The following KCNT1 variants were observed in gnomAD, a reference collection of about 807,000 sequenced individuals.
The protein encoded by KCNT1 is potassium sodium-activated channel subfamily T member 1, also known as potassium channel subfamily T member 1.
A neutral mutation model predicts 147.8 loss-of-function variants in KCNT1; 78 were observed. The observed-to-expected ratio is 0.53, with a 90% CI of 0.44 to 0.64. The LOEUF is 0.64. Ranked by LOEUF, KCNT1 falls within the 30% of genes least tolerant of loss-of-function variation. The pLI, the probability that KCNT1 is intolerant of heterozygous loss-of-function variation, is 0.00. For missense variants in KCNT1, 1,419 were observed against 1,750.3 expected (o/e 0.81, Z 3.38); for synonymous variants, 867 against 748.8 (o/e 1.16, Z -2.58).
At position 135,707,013 on chromosome 9, in the gene KCNT1, G is replaced by GGT. The variant is rs200033364; in HGVS notation, c.110+4647_110+4648dup. Among the ~76,000 whole-genome samples, 779 of 151,872 alleles carry GGT rather than the reference G, an allele frequency of 5.1e-3. 5 individuals carry two copies. The highest frequency in any genetic ancestry group is 0.034 in the Middle Eastern group (10 of 294). ...CCCAGACAGGCCCAAGGCCAGGCAC[G>GGT]GTGGGTCATGCCTGTGATCTCGGTG... On this transcript the variant is annotated intron_variant, in intron 1 of 30. Transcript: ENST00000371757.
At chr9:135,788,827 C>T (rs1834271677) in intron 29 of KCNT1, among the ~76,000 whole-genome samples, 1 of 152,220 alleles carries the variant, frequency 6.6e-6, no homozygotes, top group South Asian at 2.1e-4. Flanking sequence ...CAGTGCTCAG[C>T]AGAGTCCGGG....
intron 20 of KCNT1, among the ~76,000 whole-genome samples, chr9:135,776,694 G>A (rs952114371): frequency 6.6e-6 from 1 of 152,230 alleles, no homozygotes; most frequent in African/African-American, 2.4e-5. Context: ...ATATTCTGTG[G>A]GTTATAATCT....
intron 13 of KCNT1, among the ~76,000 whole-genome samples, chr9:135,767,986 A>G (rs1335552983): frequency 6.7e-6 from 1 of 150,212 alleles, no homozygotes; most frequent in East Asian, 2.0e-4. Flanking sequence ...CAGCCTGCAC[A>G]CACTCGGGGG....
rs749242512 is a variant in KCNT1, at chr9:135,786,225, G to A, written c.3206G>A (p.Cys1069Tyr). ...CAGATCTCGGTGAACGTGGAGGACTGTGAGGACACACGGGAAGTGAAGGGG... is the reference window on the plus strand; with the variant it reads ...CAGATCTCGGTGAACGTGGAGGACTATGAGGACACACGGGAAGTGAAGGGG... The part of the protein sequence containing the change: ...QSQISVNVED[C>Y]EDTREVKGPW... The change falls in exon 29 of 31, where the codon TGT (cysteine) becomes TAT (tyrosine). Residue 1069 changes from cysteine (C) to tyrosine (Y), a missense_variant. Cys to Tyr is a radical substitution (Grantham distance 194). Transcript: ENST00000371757. 5 of 1,611,538 alleles carry A rather than the reference G, an allele frequency of 3.1e-6. No individual in the cohort carries two copies. In the South Asian group the frequency reaches 3.3e-5, roughly 11 times the overall value.
At position 135,750,917 on chromosome 9, in the gene KCNT1, C is replaced by T. The variant is rs754981242; in HGVS notation, c.335-25C>T. The stretch of plus-strand genomic sequence containing the variant: ...CCGAAGCCCAGAGCTGGGTCAGAGC[C>T]CTGAGGCCGCTGCCCTCCCCGCAGG... On this transcript the variant is annotated intron_variant, in intron 3 of 30. Transcript: ENST00000371757. 1.9e-6 allele frequency: 3 copies of T among 1,608,176 alleles called. No individual in the cohort carries two copies. In the South Asian group the frequency reaches 3.3e-5, roughly 18 times the overall value.
intron 2 of KCNT1, among the ~76,000 whole-genome samples, chr9:135,741,342 G>A (rs886508181): frequency 1.3e-5 from 2 of 151,986 alleles, no homozygotes; most frequent in African/African-American, 2.4e-5. Context: ...GCCTGGCCAC[G>A]CCGGACCTGA....
At chr9:135,764,790 CCCT>C (rs1358317597) in intron 11 of KCNT1, among the ~76,000 whole-genome samples, 1 of 152,164 alleles carries the variant, frequency 6.6e-6, no homozygotes, top group Non-Finnish European at 1.5e-5. Context: ...CTCCAGCCGC[CCCT>C]CCTCCCTTGG....
At chr9:135,746,534 A>T (rs1217953422) in intron 2 of KCNT1, among the ~76,000 whole-genome samples, 3 of 152,226 alleles carry the variant, frequency 2.0e-5, no homozygotes, top group Admixed American at 2.0e-4. Context: ...GCAGGGTTGC[A>T]TCTCTCTGTT....
intron 2 of KCNT1, among the ~76,000 whole-genome samples, chr9:135,732,344 C>T (rs4842029): frequency 0.014 from 2,185 of 152,230 alleles, 73 homozygotes; most frequent in East Asian, 0.11. Context: ...ATACCAAAAA[C>T]TAGTTGAGGC....
intron 29 of KCNT1, chr9:135,790,191 G>A (rs1217238399): frequency 6.6e-6 from 1 of 152,320 alleles, no homozygotes; most frequent in Non-Finnish European, 1.5e-5. Context: ...CACAAAGCCA[G>A]TCAGGCAGGG....
intron 10 of KCNT1, 45 bp downstream of exon 10, chr9:135,758,553 G>A: frequency 6.6e-7 from 1 of 1,507,784 alleles, no homozygotes; most frequent in South Asian, 1.1e-5. Context: ...CGTTGGGAGG[G>A]CCCGAGAGGC....
intron 2 of KCNT1, among the ~76,000 whole-genome samples, chr9:135,733,576 C>A: frequency 4.1e-5 from 3 of 73,496 alleles, no homozygotes; most frequent in East Asian, 3.8e-4. Context: ...GCCCTCACAC[C>A]TGCCCCCACA....
intron 24 of KCNT1, among the ~76,000 whole-genome samples, chr9:135,781,629 A>G (rs892957744): frequency 7.0e-6 from 1 of 141,910 alleles, no homozygotes; most frequent in African/African-American, 2.6e-5. Context: ...ACTTCAAAGA[A>G]TACTGAAAGT....
Position 135,778,773 on chromosome 9 carries a change from G to A in KCNT1, c.2680G>A (p.Asp894Asn), listed in dbSNP as rs750369758. Residue 894 changes from aspartate (D) to asparagine (N), a missense_variant, in exon 23 of 31, where the codon GAC becomes AAC. By Grantham distance (23) the Asp-to-Asn change is conservative. Around this residue, in one of 5 missense-constraint regions of KCNT1, gnomAD observed 247 missense variants for 397.1 expected, o/e 0.62. Transcript: ENST00000371757. Reference protein sequence around the residue: ...DKESTMSAEEDYMADAKTIVN... With the variant: ...DKESTMSAEENYMADAKTIVN... ...GGAGAGCACCATGAGCGCCGAGGAGGACTACATGGCGGACGCCAAGACCAT... is the reference window on the plus strand; with the variant it reads ...GGAGAGCACCATGAGCGCCGAGGAGAACTACATGGCGGACGCCAAGACCAT... The A allele has an allele frequency of 1.2e-6, 2 of 1,613,954 alleles. No individual in the cohort carries two copies. Among genetic ancestry groups the A allele is most frequent in the Non-Finnish European group, 8.5e-7 (1 of 1,179,924 alleles).
chr9:135,724,399 G>A (rs1415365726), intron 2 of KCNT1, among the ~76,000 whole-genome samples: 4 of 152,250 alleles, frequency 2.6e-5, no homozygotes, highest in Non-Finnish European at 4.4e-5. Context: ...ACAGGCCAAC[G>A]GGGGCAGGCA....
At chr9:135,787,971 C>G (rs953201629) in intron 29 of KCNT1, 7 of 721,326 alleles carry the variant, frequency 9.7e-6, no homozygotes, top group Non-Finnish European at 1.5e-5. Flanking sequence ...GTGACCGACT[C>G]GCTTCTGGTG....
intron 2 of KCNT1, among the ~76,000 whole-genome samples, chr9:135,740,628 C>T (rs542199746): frequency 1.3e-5 from 2 of 152,378 alleles, no homozygotes; most frequent in South Asian, 4.1e-4. Context: ...CTGACCACTG[C>T]TGCCCTAAGC....
chr9:135,722,078 T>C (rs1462303194), intron 2 of KCNT1, among the ~76,000 whole-genome samples: 1 of 152,126 alleles, frequency 6.6e-6, no homozygotes, highest in Non-Finnish European at 1.5e-5. Flanking sequence ...GCCCATCACA[T>C]GTGAACGGTG....
intron 2 of KCNT1, among the ~76,000 whole-genome samples, chr9:135,739,129 A>G (rs1386891860): frequency 6.6e-6 from 1 of 151,856 alleles, no homozygotes; most frequent in East Asian, 1.9e-4. Flanking sequence ...CCCCAGCCCC[A>G]TCCTACTCTT....
Sources: allele counts gnomAD v4.1 joint callset (sites outside exome capture counted in the v4.1 genomes callset), GRCh38; gene constraint gnomAD v4.1.1; regional missense constraint gnomAD v4.1.1; transcripts MANE v1.5; gene names NCBI Gene and HGNC (gene_info 2026-07-23, HGNC 2026-07-21).